IFT88: variants seen among roughly 807,000 people sequenced by gnomAD.
IFT88 encodes intraflagellar transport 88.
Under a neutral mutation model 119.5 loss-of-function variants are expected in IFT88, and 74 were observed. That is an observed-to-expected ratio of 0.62 (90% CI 0.51 to 0.75). IFT88 has a LOEUF of 0.75. Ranked by LOEUF, IFT88 falls within the 30% of genes least tolerant of loss-of-function variation. The probability of loss-of-function intolerance (pLI) is 0.00; values close to 1 mark genes in which losing one functional copy is unlikely to be tolerated. For missense variants in IFT88, 961 were observed against 977.7 expected (o/e 0.98, Z 0.23); for synonymous variants, 279 against 316.7 (o/e 0.88, Z 1.26).
chr13:20,669,621 G>C (rs2055438016), intron 23 of IFT88, among the ~76,000 whole-genome samples: 1 of 151,746 alleles, frequency 6.6e-6, no homozygotes, highest in Non-Finnish European at 1.5e-5. Flanking sequence ...ACGGGGTTTT[G>C]CCATGTTGAC....
At chr13:20,582,146 A>C (rs1204633991) in intron 2 of IFT88, among the ~76,000 whole-genome samples, 2 of 152,118 alleles carry the variant, frequency 1.3e-5, no homozygotes, top group Non-Finnish European at 2.9e-5. Context: ...TGTGTGTTAG[A>C]GAAGGGGAAG....
intron 13 of IFT88, chr13:20,608,205 A>G (rs1234594743): frequency 3.5e-6 from 1 of 281,816 alleles, no homozygotes; most frequent in East Asian, 8.4e-5. Flanking sequence ...CCCTGCCCCC[A>G]CAGCAGTTTC....
chr13:20,616,242 T>C (rs946338226), intron 14 of IFT88, among the ~76,000 whole-genome samples: 3 of 152,198 alleles, frequency 2.0e-5, no homozygotes, highest in African/African-American at 4.8e-5. Flanking sequence ...GATGCTGATA[T>C]AAACAAACCT....
intron 22 of IFT88, among the ~76,000 whole-genome samples, chr13:20,659,423 G>A (rs1381367309): frequency 6.6e-6 from 1 of 151,972 alleles, no homozygotes; most frequent in African/African-American, 2.4e-5. Flanking sequence ...GAACCCAGGA[G>A]TTCCAAACTG....
chr13:20,584,171 T>C (rs2039223794), intron 3 of IFT88, among the ~76,000 whole-genome samples: 1 of 150,772 alleles, frequency 6.6e-6, no homozygotes, highest in Admixed American at 6.6e-5. Context: ...AAAAAAAATG[T>C]CATTTGGATA....
At chr13:20,649,799 G>C (rs766028287) in intron 20 of IFT88, among the ~76,000 whole-genome samples, 2 of 152,078 alleles carry the variant, frequency 1.3e-5, no homozygotes, top group Non-Finnish European at 2.9e-5. Flanking sequence ...GATTAGAAAT[G>C]CAAGTAGAGG....
intron 20 of IFT88, among the ~76,000 whole-genome samples, chr13:20,653,483 A>G (rs2052163043): frequency 6.6e-6 from 1 of 152,212 alleles, no homozygotes; most frequent in Admixed American, 6.5e-5. Flanking sequence ...TCGAAGCCTG[A>G]TTCTTCAAAC....
chr13:20,602,599 C>T (rs532183344), intron 12 of IFT88, among the ~76,000 whole-genome samples: 3 of 152,174 alleles, frequency 2.0e-5, no homozygotes, highest in Non-Finnish European at 4.4e-5. Flanking sequence ...ATCTCAAGAG[C>T]GAAGGCTGGG....
intron 23 of IFT88, among the ~76,000 whole-genome samples, chr13:20,665,338 CA>C (rs1459276500): frequency 6.6e-6 from 1 of 151,880 alleles, no homozygotes; most frequent in Non-Finnish European, 1.5e-5. Context: ...CAGTTATTAC[CA>C]AAATGCAATG....
In IFT88 at chr13:20,656,403, C is replaced by A; in HGVS notation, c.2041C>A (p.His681Asn). The change falls in exon 22 of 26, where the codon CAC (histidine) becomes AAC (asparagine). Residue 681 changes from histidine to asparagine, a missense_variant. Coordinates refer to ENST00000351808, the MANE Select transcript of IFT88 (RefSeq NM_006531.5). The stretch of plus-strand genomic sequence containing the variant: ...AGCATTAGATACTTACAAAGATACT[C>A]ACAGAAAATTTCCAGAAAATGTCGA... ...QKALDTYKDT[H>N]RKFPENVECL... 1 of 1,519,398 alleles carries A rather than the reference C, an allele frequency of 6.6e-7. No individual in the cohort carries two copies. The highest frequency in any genetic ancestry group is 1.2e-5 in the South Asian group (1 of 81,152). The allele number at this position is 1,519,398 out of a possible 1,614,324, so 94.1% of individuals were successfully genotyped here.
intron 22 of IFT88, among the ~76,000 whole-genome samples, chr13:20,662,332 G>A (rs1233661018): frequency 5.3e-5 from 8 of 151,668 alleles, no homozygotes; most frequent in Non-Finnish European, 1.2e-4. Context: ...ACCAAAAAAA[G>A]TCCAGGACCA....
rs554379579 is a variant in IFT88 at position 20,584,568 on chromosome 13, C to A, written c.153+1549C>A. Among the ~76,000 whole-genome samples the A allele has an allele frequency of 3.3e-5, 5 of 152,132 alleles. No homozygotes were observed. In the East Asian group the frequency reaches 9.7e-4, roughly 29 times the overall value. ...TAATTAATACTCAATTAATTTTCTA[C>A]GAGTACATGAATTGCTAGAGTAGTT... On this transcript the variant is annotated intron_variant, in intron 3 of 25. Transcript: ENST00000351808.
chr13:20,626,374 T>C (rs1377009706), intron 15 of IFT88, among the ~76,000 whole-genome samples: 1 of 152,132 alleles, frequency 6.6e-6, no homozygotes, highest in East Asian at 1.9e-4. Context: ...TTTCTTAAAA[T>C]GTAAATACTT....
At chr13:20,618,858 TC>T (rs2046057136) in intron 14 of IFT88, among the ~76,000 whole-genome samples, 4 of 74,948 alleles carry the variant, frequency 5.3e-5, no homozygotes, top group African/African-American at 2.1e-4. Flanking sequence ...TATTTTTTTT[TC>T]CCTTTTTTTT....
chr13:20,583,164 G>A (rs2039029035), intron 3 of IFT88, 145 bp downstream of exon 3: 2 of 523,858 alleles, frequency 3.8e-6, no homozygotes, highest in South Asian at 6.5e-5. Context: ...CAGATCTTCA[G>A]AAGTTTTTCA....
At chr13:20,569,570 C>CT (rs199562884) in intron 1 of IFT88, among the ~76,000 whole-genome samples, 39 of 110,470 alleles carry the variant, frequency 3.5e-4, no homozygotes, top group Admixed American at 1.3e-3. Flanking sequence ...GAGACTCCGT[C>CT]CCAAAAAAAA....
At chr13:20,622,320 C>T (rs1389993905) in intron 14 of IFT88, among the ~76,000 whole-genome samples, 1 of 152,168 alleles carries the variant, frequency 6.6e-6, no homozygotes, top group Non-Finnish European at 1.5e-5. Context: ...TGTGAACATA[C>T]AGTTTCCCCT....
rs550828504 is a variant in IFT88, at chr13:20,686,397, G to A, written c.2243-4308G>A. ...TGACATCATGGAAATTATTTATAGT[G>A]AATGCTTAAGGTAAAAGTCACCCAC... is the stretch of plus-strand genomic sequence containing the variant. On this transcript the variant is annotated intron_variant, in intron 24 of 25. Transcript: ENST00000351808. Among the ~76,000 whole-genome samples the A allele has an allele frequency of 7.2e-5, 11 of 152,290 alleles. No homozygotes were observed. In the East Asian group the frequency reaches 1.9e-3, roughly 27 times the overall value.
intron 15 of IFT88, among the ~76,000 whole-genome samples, chr13:20,630,770 C>G (rs1436311521): frequency 1.3e-5 from 2 of 152,166 alleles, no homozygotes; most frequent in Non-Finnish European, 2.9e-5. Context: ...ATCTAATCTG[C>G]TGTTAGAACA....
Sources: allele counts gnomAD v4.1 joint callset (sites outside exome capture counted in the v4.1 genomes callset), GRCh38; gene constraint gnomAD v4.1.1; transcripts MANE v1.5; gene names NCBI Gene and HGNC (gene_info 2026-07-23, HGNC 2026-07-21).